Variants in NTM observed in about 807,000 individuals in gnomAD.
The protein encoded by NTM is neurotrimin.
NTM carries 13 observed loss-of-function variants against 42.1 expected under a neutral mutation model. The observed-to-expected ratio is 0.31, with a 90% CI of 0.20 to 0.49. The LOEUF (loss-of-function observed/expected upper bound fraction) is 0.49, where lower values mean the gene tolerates loss of function less well. NTM is among the 20% of genes least tolerant of loss of function. The pLI, the probability that NTM is intolerant of heterozygous loss-of-function variation, is 0.99. For synonymous variants in NTM, 187 were observed against 179.2 expected (o/e 1.04, Z -0.35); for missense variants, 373 against 452.8 (o/e 0.82, Z 1.60).
intron 1 of NTM, among the ~76,000 whole-genome samples, chr11:131,389,039 G>GAAAAGAAAAA (rs1431436825): frequency 6.7e-6 from 1 of 148,334 alleles, no homozygotes; most frequent in South Asian, 2.1e-4. Flanking sequence ...GAAAAGAAAA[G>GAAAAGAAAAA]AAAAGAAAAG....
In NTM at chr11:131,752,100, T is replaced by C. The variant is rs55987491; in HGVS notation, c.83-159464T>C. ...ATGATAATGGCTAGAAGTTGAAAGA[T>C]TGATGGTAACCAACTGTTGGGGAGG... On this transcript the variant is annotated intron_variant, in intron 1 of 8. Transcript: ENST00000683400. Among the ~76,000 whole-genome samples, 943 of 152,296 alleles carry C rather than the reference T, an allele frequency of 6.2e-3. 13 individuals are homozygous for C. Among genetic ancestry groups the C allele is most frequent in the African/African-American group, 0.021 (874 of 41,548 alleles).
intron 1 of NTM, among the ~76,000 whole-genome samples, chr11:131,881,098 A>G (rs2049400066): frequency 6.6e-6 from 1 of 152,140 alleles, no homozygotes; most frequent in Non-Finnish European, 1.5e-5. Context: ...TTTCCTACAC[A>G]AATGTCCATA....
intron 3 of NTM, among the ~76,000 whole-genome samples, chr11:132,157,711 AAAATGT>A: frequency 6.6e-6 from 1 of 152,292 alleles, no homozygotes; most frequent in Non-Finnish European, 1.5e-5. Flanking sequence ...TCTCAAACTG[AAAATGT>A]AAAACATAGA....
At chr11:132,254,992 C>T (rs1306176679) in intron 4 of NTM, among the ~76,000 whole-genome samples, 1 of 152,242 alleles carries the variant, frequency 6.6e-6, no homozygotes. Flanking sequence ...CAGATTTCCC[C>T]TGGGAGGCAA....
chr11:132,023,577 G>A (rs1004702365), intron 2 of NTM, among the ~76,000 whole-genome samples: 3 of 152,140 alleles, frequency 2.0e-5, no homozygotes, highest in African/African-American at 7.2e-5. Flanking sequence ...AGCTCTCTTT[G>A]CATTTCCAGA....
chr11:131,973,934 C>T (rs2063932775), intron 2 of NTM, among the ~76,000 whole-genome samples: 2 of 152,132 alleles, frequency 1.3e-5, no homozygotes, highest in South Asian at 4.1e-4. Flanking sequence ...CCTGTGCCAC[C>T]CCTGAGGCTG....
At chr11:132,144,124 G>A (rs1357760585) in intron 2 of NTM, among the ~76,000 whole-genome samples, 5 of 152,138 alleles carry the variant, frequency 3.3e-5, no homozygotes, top group East Asian at 1.9e-4. Context: ...TTGGTGGTTT[G>A]CCAGCCACAC....
chr11:131,987,170 T>C (rs776996989), intron 2 of NTM, among the ~76,000 whole-genome samples: 6 of 152,228 alleles, frequency 3.9e-5, no homozygotes, highest in Admixed American at 6.5e-5. Context: ...GTTGTATAAC[T>C]AGCAAGTGGT....
chr11:131,659,637 G>A lies in NTM; in HGVS notation c.83-251927G>A, dbSNP rs112650702. 1.5e-3 allele frequency among the ~76,000 whole-genome samples: 227 copies of A among 152,318 alleles called. 2 individuals carry two copies. The highest frequency in any genetic ancestry group is 5.0e-3 in the African/African-American group (209 of 41,556). ...AAGAAACATTTCTGAGTCAAATACCGTTAGGAAAAGTTTCAGCATAGATCT... is the reference window on the plus strand; with the variant it reads ...AAGAAACATTTCTGAGTCAAATACCATTAGGAAAAGTTTCAGCATAGATCT... On this transcript the variant is annotated intron_variant, in intron 1 of 8. Coordinates refer to ENST00000683400, the MANE Select transcript of NTM (RefSeq NM_001352005.2).
intron 1 of NTM, among the ~76,000 whole-genome samples, chr11:131,426,241 C>T (rs1191740276): frequency 2.6e-5 from 4 of 152,284 alleles, no homozygotes; most frequent in East Asian, 1.9e-4. Flanking sequence ...GAACTGAGTG[C>T]ACATCCCTGA....
chr11:132,055,309 A>G (rs1349636494), intron 2 of NTM, among the ~76,000 whole-genome samples: 2 of 152,146 alleles, frequency 1.3e-5, no homozygotes, highest in African/African-American at 2.4e-5. Flanking sequence ...CTCCCTTGGG[A>G]CTAGCCCTGA....
chr11:131,699,575 CCCAAGACTGGGTAA>C (rs2075843189), intron 1 of NTM, among the ~76,000 whole-genome samples: 1 of 152,120 alleles, frequency 6.6e-6, no homozygotes, highest in South Asian at 2.1e-4. Flanking sequence ...TAAAGACAAA[CCCAAGACTGGGTAA>C]CTTATAAAGG....
At chr11:132,320,935 G>T (rs1406659947) in intron 7 of NTM, among the ~76,000 whole-genome samples, 8 of 151,154 alleles carry the variant, frequency 5.3e-5, no homozygotes, top group African/African-American at 2.0e-4. Flanking sequence ...TCACACTGCA[G>T]GGTACTCCAA....
At chr11:132,038,122 G>T (rs2076728837) in intron 2 of NTM, among the ~76,000 whole-genome samples, 2 of 152,340 alleles carry the variant, frequency 1.3e-5, no homozygotes, top group East Asian at 3.9e-4. Context: ...GTGTTGCCTT[G>T]TGGGCCTCTT....
intron 8 of NTM, 117 bp downstream of exon 8, chr11:132,330,302 A>G: frequency 8.8e-7 from 1 of 1,133,008 alleles, no homozygotes; most frequent in East Asian, 2.6e-5. Flanking sequence ...CGCAGAGGGA[A>G]CCCTCCCCCA....
At chr11:131,625,388 G>C (rs1232886841) in intron 1 of NTM, among the ~76,000 whole-genome samples, 1 of 152,104 alleles carries the variant, frequency 6.6e-6, no homozygotes, top group Non-Finnish European at 1.5e-5. Context: ...TCGGGATTCA[G>C]AGTTAATCAA....
At chr11:131,438,503 C>T (rs1416569190) in intron 1 of NTM, among the ~76,000 whole-genome samples, 1 of 152,130 alleles carries the variant, frequency 6.6e-6, no homozygotes, top group African/African-American at 2.4e-5. Flanking sequence ...TTTCTCTAAA[C>T]TTTGCTTCTT....
intron 2 of NTM, among the ~76,000 whole-genome samples, chr11:131,923,067 A>AT (rs2057451948): frequency 6.6e-6 from 1 of 151,968 alleles, no homozygotes; most frequent in South Asian, 2.1e-4. Flanking sequence ...CGTTTAAAAA[A>AT]AAAAGGCTTT....
At position 131,869,972 on chromosome 11, in the gene NTM, C is replaced by T. The variant is rs147041457; in HGVS notation, c.83-41592C>T. Among the ~76,000 whole-genome samples, 750 of 152,342 alleles carry T rather than the reference C, an allele frequency of 4.9e-3. 13 individuals carry two copies. The highest frequency in any genetic ancestry group is 4.5e-3 in the Non-Finnish European group (305 of 68,034). ...TGCAAAAGTCATCTTATTTCATTCA[C>T]ACCTCAGCTGTACAGAGCAGACGCT... On this transcript the variant is annotated intron_variant, in intron 1 of 8. Coordinates refer to ENST00000683400, the MANE Select transcript of NTM (RefSeq NM_001352005.2).
Sources: allele counts gnomAD v4.1 joint callset (sites outside exome capture counted in the v4.1 genomes callset), GRCh38; gene constraint gnomAD v4.1.1; transcripts MANE v1.5; gene names NCBI Gene and HGNC (gene_info 2026-07-23, HGNC 2026-07-21).